PLIN1: variants seen among roughly 807,000 people sequenced by gnomAD.
PLIN1 encodes perilipin 1.
PLIN1 carries 37 observed loss-of-function variants against 45.8 expected under a neutral mutation model. The observed-to-expected ratio is 0.81, with a 90% CI of 0.62 to 1.06. PLIN1 has a LOEUF of 1.06. PLIN1 is among the 50% of genes least tolerant of loss of function. The probability of loss-of-function intolerance (pLI) is 0.00; values close to 1 mark genes in which losing one functional copy is unlikely to be tolerated. For missense variants in PLIN1, 776 were observed against 716.5 expected (o/e 1.08, Z -0.95); for synonymous variants, 340 against 309.2 (o/e 1.10, Z -1.05).
In PLIN1 at chr15:89,669,560, C is replaced by A; in HGVS notation, c.711G>T (p.Met237Ile). Residue 237 changes from methionine (M) to isoleucine (I), a missense_variant, in exon 6 of 9, where the codon ATG (methionine) becomes ATT (isoleucine). Transcript: ENST00000300055. ...TGTGGCCCTGCTCCAGGGCCCGGGCCATGGTCTGCACGGTGTATCGAGAGA... is the reference window on the plus strand; with the variant it reads ...TGTGGCCCTGCTCCAGGGCCCGGGCAATGGTCTGCACGGTGTATCGAGAGA... ...NTLSRYTVQT[M>I]ARALEQGHTV... 2 of 1,613,892 alleles carry A rather than the reference C, an allele frequency of 1.2e-6. No homozygotes were observed.
At position 89,665,686 on chromosome 15, in the gene PLIN1, CG is replaced by C; in HGVS notation, c.1465del (p.Arg489AlafsTer52). 6.8e-7 allele frequency: 1 copy of C among 1,476,364 alleles called. No individual in the cohort carries two copies. Among genetic ancestry groups the C allele is most frequent in the South Asian group, 1.3e-5 (1 of 77,656 alleles). 91.5% of individuals were successfully genotyped at this position (1,476,364 alleles called of 1,614,324 possible). The stretch of plus-strand genomic sequence containing the variant: ...GCTGACCCTGCGCTTTGGCTTCTCG[CG>C]GGGCACGGCCGGGAAGCCCGGGCGC... ...APRPGFPAVP[R>X]EKPKRRVSDS... is the part of the protein sequence containing the mutation. On this transcript the variant is annotated frameshift_variant, in exon 9 of 9. Coordinates refer to ENST00000300055, the MANE Select transcript of PLIN1 (RefSeq NM_002666.5). LOFTEE classifies it high-confidence loss of function.
chr15:89,670,374 G>T, intron 4 of PLIN1, 130 bp from the exon 5 acceptor site: 1 of 888,286 alleles, frequency 1.1e-6, no homozygotes, highest in Non-Finnish European at 1.7e-6. Flanking sequence ...AACTGGTACT[G>T]ATATTTAGGT....
Position 89,674,328 on chromosome 15 carries a change from T to G in PLIN1, c.46-914A>C, listed in dbSNP as rs187753569. Among the ~76,000 whole-genome samples, 3 of 152,300 alleles carry G rather than the reference T, an allele frequency of 2.0e-5. 1 individual carries two copies. Among genetic ancestry groups the G allele is most frequent in the Admixed American group, 1.3e-4 (2 of 15,302 alleles). ...CTGAAGTGCATTAGTGCCATCATAGTTCACTGTAACCTCCAACTCGTGGGC... is the reference window on the plus strand; with the variant it reads ...CTGAAGTGCATTAGTGCCATCATAGGTCACTGTAACCTCCAACTCGTGGGC... On this transcript the variant is annotated intron_variant, in intron 2 of 8. Transcript: ENST00000300055.
intron 2 of PLIN1, 82 bp downstream of exon 2, chr15:89,677,363 A>G (rs1964534780): frequency 1.8e-6 from 2 of 1,085,798 alleles, no homozygotes; most frequent in East Asian, 4.7e-5. Flanking sequence ...TCTTGCTCTA[A>G]GTCCCCTGCA....
intron 1 of PLIN1, chr15:89,677,788 T>C: frequency 2.6e-6 from 1 of 392,056 alleles, no homozygotes; most frequent in Non-Finnish European, 4.7e-6. Flanking sequence ...TCTTGCTCTG[T>C]TGCCCAGGCT....
chr15:89,666,472 T>C (rs1429049097), intron 8 of PLIN1, among the ~76,000 whole-genome samples: 1 of 152,136 alleles, frequency 6.6e-6, no homozygotes, highest in East Asian at 1.9e-4. Context: ...AGGGATGGCA[T>C]TGGTATCCCC....
At chr15:89,672,141 C>T (rs978120957) in intron 3 of PLIN1, among the ~76,000 whole-genome samples, 2 of 152,182 alleles carry the variant, frequency 1.3e-5, no homozygotes, top group African/African-American at 4.8e-5. Flanking sequence ...GCCGTCCATG[C>T]TCTTCTTTTT....
chr15:89,667,451 C>G, intron 7 of PLIN1, 151 bp downstream of exon 7: 1 of 1,250,696 alleles, frequency 8.0e-7, no homozygotes, highest in East Asian at 2.3e-5. Flanking sequence ...AAGTCCCTCG[C>G]CAGCTGGGCA....
chr15:89,671,432 G>T lies in PLIN1; in HGVS notation c.333+50C>A, dbSNP rs8179037. The T allele has an allele frequency of 1.6e-6, 2 of 1,271,834 alleles. 1 individual carries two copies. Among genetic ancestry groups the T allele is most frequent in the Admixed American group, 3.9e-5 (2 of 50,640 alleles). The allele number at this position is 1,271,834 out of a possible 1,614,324, so 78.8% of individuals were successfully genotyped here. Reference sequence around the variant, plus strand: ...AGCCCCTGCCCTCTCCTCCCTGAGAGGCGGTGACGACAGAGTGCAGGGAGG... The same window carrying T: ...AGCCCCTGCCCTCTCCTCCCTGAGATGCGGTGACGACAGAGTGCAGGGAGG... On this transcript the variant is annotated intron_variant, in intron 4 of 8. Coordinates refer to ENST00000300055, the MANE Select transcript of PLIN1 (RefSeq NM_002666.5).
In PLIN1 at chr15:89,671,489, G is replaced by T; in HGVS notation, c.326C>A (p.Pro109His). The T allele has an allele frequency of 3.2e-6, 5 of 1,567,472 alleles. No individual in the cohort carries two copies. In the South Asian group the frequency reaches 3.5e-5, roughly 11 times the overall value. Reference sequence around the variant, plus strand: ...GAGGTGGGAAGGGCTCACCTTTTCAGGGGGGTACTGGAGGGCGGGGATCTT... The same window carrying T: ...GAGGTGGGAAGGGCTCACCTTTTCATGGGGGTACTGGAGGGCGGGGATCTT... ...EEKIPALQYP[P>H]EKIASELKDT... The change falls in exon 4 of 9, where the codon CCT becomes CAT. Residue 109 changes from proline to histidine, a missense_variant. Transcript: ENST00000300055.
At chr15:89,672,594 G>A (rs1226619733) in intron 3 of PLIN1, among the ~76,000 whole-genome samples, 1 of 152,216 alleles carries the variant, frequency 6.6e-6, no homozygotes, top group Admixed American at 6.5e-5. Flanking sequence ...TGGCATTGCT[G>A]CGATTTCCCT....
At chr15:89,666,817 G>A (rs1042564518) in intron 8 of PLIN1, 119 bp downstream of exon 8, 1 of 1,122,864 alleles carries the variant, frequency 8.9e-7, no homozygotes, top group South Asian at 1.3e-5. Flanking sequence ...GGAGTGGGGG[G>A]CGGTCTCCAG....
intron 3 of PLIN1, among the ~76,000 whole-genome samples, 155 bp downstream of exon 3, chr15:89,673,055 T>C (rs1964462022): frequency 6.6e-6 from 1 of 152,260 alleles, no homozygotes; most frequent in African/African-American, 2.4e-5. Context: ...TATACCTTTA[T>C]AGCCATAGAT....
Position 89,677,902 on chromosome 15 carries a change from C to G in PLIN1, c.-14-399G>C, listed in dbSNP as rs1246636909. ...AGTAGCTGGGATTACAGGCGCCCAC[C>G]ACCACGCCCGGCTAGTTTTTTTTTT... On this transcript the variant is annotated intron_variant, in intron 1 of 8. Coordinates refer to ENST00000300055, the MANE Select transcript of PLIN1 (RefSeq NM_002666.5). The G allele has an allele frequency of 3.9e-5, 7 of 177,274 alleles. No individual in the cohort carries two copies. In the East Asian group the frequency reaches 4.5e-4, roughly 11 times the overall value. 11.0% of individuals were successfully genotyped at this position (177,274 alleles called of 1,614,324 possible). A position where few individuals can be genotyped will look rare whatever the true frequency, so the allele number is the denominator to read the frequency against.
At position 89,667,597 on chromosome 15, in the gene PLIN1, C is replaced by A. The variant is rs749568395; in HGVS notation, c.963+5G>T. ...GGACCTTGAGGCTCCCACTCTCCCC[C>A]TCACCTCACTGAACTTGTTCTCCTC... On this transcript the variant is annotated splice_donor_5th_base_variant and intron_variant, in intron 7 of 8. Coordinates refer to ENST00000300055, the MANE Select transcript of PLIN1 (RefSeq NM_002666.5). 1 of 1,614,192 alleles carries A rather than the reference C, an allele frequency of 6.2e-7. No homozygotes were observed. Among genetic ancestry groups the A allele is most frequent in the South Asian group, 1.1e-5 (1 of 91,088 alleles).
rs1177861754 is a variant in PLIN1, at chr15:89,666,916, T to A, written c.1209+20A>T. On this transcript the variant is annotated intron_variant, in intron 8 of 8. Coordinates refer to ENST00000300055, the MANE Select transcript of PLIN1 (RefSeq NM_002666.5). ...CAGGCCCCCTTGGGACACTAACAGT[T>A]TGCCAGGGGTGGTACTCACCGGCAC... 1 of 1,613,452 alleles carries A rather than the reference T, an allele frequency of 6.2e-7. No individual in the cohort carries two copies. The highest frequency in any genetic ancestry group is 8.5e-7 in the Non-Finnish European group (1 of 1,179,786).
chr15:89,677,571 C>T, intron 1 of PLIN1, 68 bp from the exon 2 acceptor site: 2 of 1,314,486 alleles, frequency 1.5e-6, no homozygotes, highest in Non-Finnish European at 2.2e-6. Flanking sequence ...CACTTCCCTA[C>T]CTCTCATGGC....
In PLIN1 at chr15:89,665,868, G is replaced by T. The variant is rs1203202417; in HGVS notation, c.1284C>A (p.Arg428=). The T allele has an allele frequency of 6.6e-7, 1 of 1,507,042 alleles. No individual in the cohort carries two copies. 93.4% of individuals were successfully genotyped at this position (1,507,042 alleles called of 1,614,324 possible). Reference sequence around the variant, plus strand: ...CAGACGCTCTGCGCTCCGCCTCCCGGCGCTCGACCTCGGCTGGTGGGTTGT... The same window carrying T: ...CAGACGCTCTGCGCTCCGCCTCCCGTCGCTCGACCTCGGCTGGTGGGTTGT... ...DIDNPPAEVE[R]REAERRASGA... Residue 428 remains arginine (R), a synonymous_variant, in exon 9 of 9, where the codon CGC becomes CGA. Coordinates refer to ENST00000300055, the MANE Select transcript of PLIN1 (RefSeq NM_002666.5).
rs542410181 is a variant in PLIN1 at position 89,675,649 on chromosome 15, T to C, written c.45+1796A>G. 2.0e-5 allele frequency among the ~76,000 whole-genome samples: 3 copies of C among 152,122 alleles called. No individual in the cohort carries two copies. In the South Asian group the frequency reaches 6.2e-4, roughly 32 times the overall value. ...AAATTAAAAGAACAAATTCTAGGCA[T>C]GCAGAGGGAAAGAACATTTGCCAGG... On this transcript the variant is annotated intron_variant, in intron 2 of 8. Coordinates refer to ENST00000300055, the MANE Select transcript of PLIN1 (RefSeq NM_002666.5).
Sources: gnomAD v4.1 joint callset for allele counts (sites outside exome capture counted in the v4.1 genomes callset) on GRCh38, gnomAD v4.1.1 for gene constraint, MANE v1.5 for transcripts, NCBI Gene and HGNC (gene_info 2026-07-23, HGNC 2026-07-21) for gene names.